KIRREL3: variants seen among roughly 807,000 people sequenced by gnomAD.
The protein encoded by KIRREL3 is kin of IRRE-like protein 3.
A neutral mutation model predicts 89.7 loss-of-function variants in KIRREL3; 36 were observed. The observed-to-expected ratio is 0.40, with a 90% CI of 0.31 to 0.53. KIRREL3 has a LOEUF of 0.53. Ranked by LOEUF, KIRREL3 falls within the 20% of genes least tolerant of loss-of-function variation. The pLI is 0.49. For missense variants in KIRREL3, 864 were observed against 1,056.6 expected (o/e 0.82, Z 2.53); for synonymous variants, 445 against 441.4 (o/e 1.01, Z -0.10).
chr11:126,721,926 C>T (rs376708082), intron 1 of KIRREL3, among the ~76,000 whole-genome samples: 1 of 152,188 alleles, frequency 6.6e-6, no homozygotes, highest in African/African-American at 2.4e-5. Flanking sequence ...GTCCAAAAGC[C>T]TTTTTGTGTT....
intron 1 of KIRREL3, among the ~76,000 whole-genome samples, chr11:126,846,566 G>C (rs1944149816): frequency 6.6e-6 from 1 of 152,108 alleles, no homozygotes; most frequent in Non-Finnish European, 1.5e-5. Context: ...TCCACACCTA[G>C]TACATAATGA....
Position 126,636,828 on chromosome 11 carries a change from C to T in KIRREL3, c.56-73916G>A, listed in dbSNP as rs1315704269. Among the ~76,000 whole-genome samples, 1 of 152,234 alleles carries T rather than the reference C, an allele frequency of 6.6e-6. No homozygotes were observed. The highest frequency in any genetic ancestry group is 1.5e-5 in the Non-Finnish European group (1 of 68,046). On this transcript the variant is annotated intron_variant, in intron 1 of 16. Coordinates refer to ENST00000525144, the MANE Select transcript of KIRREL3 (RefSeq NM_032531.4). This position sits in a 1 kb window ranked among gnomAD's most constrained non-coding sequence, Gnocchi z 4.4. Reference sequence around the variant, plus strand: ...TTGAATTTGTATCCCGGTTTAACCACTTACTCTATAGCCTTAGGCAAGGCA... The same window carrying T: ...TTGAATTTGTATCCCGGTTTAACCATTTACTCTATAGCCTTAGGCAAGGCA...
intron 7 of KIRREL3, among the ~76,000 whole-genome samples, chr11:126,451,695 TGTGA>T (rs1315387687): frequency 2.6e-5 from 4 of 152,086 alleles, no homozygotes; most frequent in East Asian, 1.9e-4. Flanking sequence ...TGTGTGCACG[TGTGA>T]GTGTGTGCAT....
Position 126,685,967 on chromosome 11 carries a change from G to A in KIRREL3, c.56-123055C>T, listed in dbSNP as rs1275732218. Among the ~76,000 whole-genome samples the A allele has an allele frequency of 2.0e-5, 3 of 152,184 alleles. No individual in the cohort carries two copies. The highest frequency in any genetic ancestry group is 2.9e-5 in the Non-Finnish European group (2 of 68,038). On this transcript the variant is annotated intron_variant, in intron 1 of 16. Transcript: ENST00000525144. The surrounding 1 kb of genome is among the most constrained non-coding windows in gnomAD (Gnocchi z 5.5). ...CACAGCTTACTCCTTTGCTCCACCC[G>A]GCTCTGCCTCTGTTCCCTTCACCTG...
Position 126,890,777 on chromosome 11 carries a change from C to A in KIRREL3, c.55+109678G>T, listed in dbSNP as rs767218161. Among the ~76,000 whole-genome samples, 12 of 152,364 alleles carry A rather than the reference C, an allele frequency of 7.9e-5. No individual in the cohort carries two copies. The highest frequency in any genetic ancestry group is 2.0e-4 in the Admixed American group (3 of 15,310). ...AAACATGAGCGTCCCCCAGTCCCAG[C>A]ACCACAGCGGCCTGCCTGTGCCCAG... On this transcript the variant is annotated intron_variant, in intron 1 of 16. Transcript: ENST00000525144. This position sits in a 1 kb window ranked among gnomAD's most constrained non-coding sequence, Gnocchi z 5.1.
Position 126,877,054 on chromosome 11 carries a change from G to T in KIRREL3, c.55+123401C>A, listed in dbSNP as rs1357524056. ...TGCATAAGAATAAAGGTTGGTTGTGGCGCTTGGCCAAAGCAGGGCTGGGGA... is the reference window on the plus strand; with the variant it reads ...TGCATAAGAATAAAGGTTGGTTGTGTCGCTTGGCCAAAGCAGGGCTGGGGA... On this transcript the variant is annotated intron_variant, in intron 1 of 16. Transcript: ENST00000525144. This position sits in a 1 kb window ranked among gnomAD's most constrained non-coding sequence, Gnocchi z 4.9. Among the ~76,000 whole-genome samples the T allele has an allele frequency of 6.6e-6, 1 of 152,196 alleles. No homozygotes were observed. The highest frequency in any genetic ancestry group is 2.4e-5 in the African/African-American group (1 of 41,456).
chr11:126,974,986 T>G (rs1033632191), intron 1 of KIRREL3, among the ~76,000 whole-genome samples: 3 of 152,208 alleles, frequency 2.0e-5, no homozygotes, highest in African/African-American at 7.2e-5. Context: ...AATTTTTGTA[T>G]TTTTTGTAGA....
chr11:126,751,941 G>A (rs572314696), intron 1 of KIRREL3, among the ~76,000 whole-genome samples: 2 of 152,204 alleles, frequency 1.3e-5, no homozygotes, highest in African/African-American at 4.8e-5. Flanking sequence ...GGCCTCAAGC[G>A]ATCCTCCCAT....
intron 1 of KIRREL3, among the ~76,000 whole-genome samples, chr11:126,595,475 C>G (rs1187928562): frequency 1.3e-5 from 2 of 152,216 alleles, no homozygotes; most frequent in Non-Finnish European, 2.9e-5. Flanking sequence ...TCAAGGTCTT[C>G]CTCATCCTAA....
At chr11:126,922,237 G>A (rs1039458576) in intron 1 of KIRREL3, among the ~76,000 whole-genome samples, 8 of 151,650 alleles carry the variant, frequency 5.3e-5, no homozygotes, top group African/African-American at 1.7e-4. Context: ...TGCTTGTCAT[G>A]TATGATCTCC....
Position 126,641,739 on chromosome 11 carries a change from C to T in KIRREL3, c.56-78827G>A, listed in dbSNP as rs1020965852. Among the ~76,000 whole-genome samples the T allele has an allele frequency of 4.6e-5, 7 of 152,158 alleles. No individual in the cohort carries two copies. The highest frequency in any genetic ancestry group is 1.7e-4 in the African/African-American group (7 of 41,440). On this transcript the variant is annotated intron_variant, in intron 1 of 16. Transcript: ENST00000525144. This position sits in a 1 kb window ranked among gnomAD's most constrained non-coding sequence, Gnocchi z 5.0. Reference sequence around the variant, plus strand: ...GTACCCAGAGGCTCCAGCATATTTGCATAGCATTTATTATGCTATGTAAAT... The same window carrying T: ...GTACCCAGAGGCTCCAGCATATTTGTATAGCATTTATTATGCTATGTAAAT...
Position 126,641,031 on chromosome 11 carries a change from T to A in KIRREL3, c.56-78119A>T, listed in dbSNP as rs1053993833. On this transcript the variant is annotated intron_variant, in intron 1 of 16. Coordinates refer to ENST00000525144, the MANE Select transcript of KIRREL3 (RefSeq NM_032531.4). This position sits in a 1 kb window ranked among gnomAD's most constrained non-coding sequence, Gnocchi z 5.0. ...TGTAACAGGCATCTCAAATTTCACA[T>A]GCTCCGAAAAGAACTCCTGGTCTTC... Among the ~76,000 whole-genome samples, 1 of 152,158 alleles carries A rather than the reference T, an allele frequency of 6.6e-6. No individual in the cohort carries two copies. Among genetic ancestry groups the A allele is most frequent in the African/African-American group, 2.4e-5 (1 of 41,434 alleles).
rs1197215467 is a variant in KIRREL3, at chr11:126,519,207, C to G, written c.433+2108G>C. The stretch of plus-strand genomic sequence containing the variant: ...GGGAGCGAATGCCTTTTAGACATGA[C>G]CTAAGACAAAATCGGGTCTGTTCAG... On this transcript the variant is annotated intron_variant, in intron 4 of 16. Transcript: ENST00000525144. This position sits in a 1 kb window ranked among gnomAD's most constrained non-coding sequence, Gnocchi z 4.3. Among the ~76,000 whole-genome samples, 1 of 152,206 alleles carries G rather than the reference C, an allele frequency of 6.6e-6. No homozygotes were observed.
rs1372465358 is a variant in KIRREL3 at position 126,620,579 on chromosome 11, T to TA, written c.56-57668dup. ...TAGGAGGAGAGTCCATAGCTCTCAT[T>TA]AAAGTCTCAAGCAGAGCCTCCTCCT... On this transcript the variant is annotated intron_variant, in intron 1 of 16. Coordinates refer to ENST00000525144, the MANE Select transcript of KIRREL3 (RefSeq NM_032531.4). This position sits in a 1 kb window ranked among gnomAD's most constrained non-coding sequence, Gnocchi z 4.8. Among the ~76,000 whole-genome samples the TA allele has an allele frequency of 1.3e-5, 2 of 152,110 alleles. No homozygotes were observed. The highest frequency in any genetic ancestry group is 2.9e-5 in the Non-Finnish European group (2 of 67,992).
chr11:126,589,323 G>A (rs1316703064), intron 1 of KIRREL3, among the ~76,000 whole-genome samples: 1 of 152,132 alleles, frequency 6.6e-6, no homozygotes, highest in Non-Finnish European at 1.5e-5. Flanking sequence ...TGCGTGGGGT[G>A]TGGGGATGAC....
At chr11:126,450,767 ATGTG>A (rs1956046416) in intron 7 of KIRREL3, among the ~76,000 whole-genome samples, 1 of 146,528 alleles carries the variant, frequency 6.8e-6, no homozygotes, top group South Asian at 2.2e-4. Flanking sequence ...GACTGTGTGC[ATGTG>A]TGAGGGTGTG....
intron 1 of KIRREL3, among the ~76,000 whole-genome samples, chr11:126,831,207 A>C (rs1368997948): frequency 6.6e-6 from 1 of 152,242 alleles, no homozygotes; most frequent in African/African-American, 2.4e-5. Context: ...CTGTTGGCTT[A>C]GGCTCAATTT....
intron 13 of KIRREL3, among the ~76,000 whole-genome samples, chr11:126,434,928 A>G (rs77543416): frequency 0.017 from 2,605 of 152,250 alleles, 65 homozygotes; most frequent in African/African-American, 0.059. Flanking sequence ...GAAGGCAGTC[A>G]GGACAGGGGC....
Position 126,897,648 on chromosome 11 carries a change from G to A in KIRREL3, c.55+102807C>T, listed in dbSNP as rs559039536. The stretch of plus-strand genomic sequence containing the variant: ...ACAATACCACATCAAAAATACATTT[G>A]CAGCAAAGCTTATTTTCTGAAGATA... On this transcript the variant is annotated intron_variant, in intron 1 of 16. Transcript: ENST00000525144. This position sits in a 1 kb window ranked among gnomAD's most constrained non-coding sequence, Gnocchi z 4.2. Among the ~76,000 whole-genome samples, 34 of 152,210 alleles carry A rather than the reference G, an allele frequency of 2.2e-4. No homozygotes were observed. Among genetic ancestry groups the A allele is most frequent in the African/African-American group, 7.7e-4 (32 of 41,534 alleles).
Sources: gnomAD v4.1 joint callset for allele counts (sites outside exome capture counted in the v4.1 genomes callset) on GRCh38, gnomAD v4.1.1 for gene constraint, Gnocchi (gnomAD v3.1) non-coding constraint, MANE v1.5 for transcripts, NCBI Gene and HGNC (gene_info 2026-07-23, HGNC 2026-07-21) for gene names.